Variants in CSMD2 observed in about 807,000 individuals in gnomAD.
CSMD2 encodes the protein CUB and sushi domain-containing protein 2.
A neutral mutation model predicts 398.5 loss-of-function variants in CSMD2; 130 were observed. The observed-to-expected ratio is 0.33, with a 90% CI of 0.28 to 0.38. The LOEUF (loss-of-function observed/expected upper bound fraction) is 0.38. Ranked by LOEUF, CSMD2 falls within the 10% of genes least tolerant of loss-of-function variation. The pLI is 1.00. For missense variants in CSMD2, 3,829 were observed against 4,764.9 expected (o/e 0.80, Z 5.78); for synonymous variants, 1,828 against 1,908.5 (o/e 0.96, Z 1.10).
intron 5 of CSMD2, among the ~76,000 whole-genome samples, chr1:33,849,527 A>G (rs1431034449): frequency 6.6e-6 from 1 of 152,198 alleles, no homozygotes; most frequent in Non-Finnish European, 1.5e-5. Flanking sequence ...GCTGGGAAAT[A>G]GTGCAAGGAA....
At chr1:33,793,383 C>A (rs1654561753) in intron 10 of CSMD2, among the ~76,000 whole-genome samples, 1 of 152,098 alleles carries the variant, frequency 6.6e-6, no homozygotes, top group African/African-American at 2.4e-5. Context: ...TGAGCTATGG[C>A]AGAGATGGAA....
intron 12 of CSMD2, among the ~76,000 whole-genome samples, chr1:33,779,549 C>T (rs924446327): frequency 6.6e-6 from 1 of 152,150 alleles, no homozygotes; most frequent in Non-Finnish European, 1.5e-5. Flanking sequence ...AGAGCCCAGC[C>T]GCCCCTCAGA....
At chr1:33,754,206 G>T (rs533816062) in intron 13 of CSMD2, among the ~76,000 whole-genome samples, 1 of 152,300 alleles carries the variant, frequency 6.6e-6, no homozygotes, top group South Asian at 2.1e-4. Flanking sequence ...ATGGGGCCTG[G>T]GGGGAGGTAT....
chr1:33,543,359 C>T (rs1247381274), intron 57 of CSMD2, among the ~76,000 whole-genome samples: 1 of 152,266 alleles, frequency 6.6e-6, no homozygotes. Context: ...ACCAGAACAT[C>T]TGTCCTATAG....
intron 3 of CSMD2, among the ~76,000 whole-genome samples, chr1:34,021,397 G>A (rs1198296680): frequency 2.0e-5 from 3 of 152,314 alleles, no homozygotes; most frequent in Admixed American, 2.0e-4. Context: ...CAGAGCAGCA[G>A]TTGAAGGACA....
At chr1:33,921,063 G>A (rs1416462137) in intron 4 of CSMD2, among the ~76,000 whole-genome samples, 1 of 152,164 alleles carries the variant, frequency 6.6e-6, no homozygotes, top group Admixed American at 6.5e-5. Flanking sequence ...AGATGACAGA[G>A]CTGGGCTGGA....
chr1:33,911,928 C>T (rs553607042), intron 5 of CSMD2, among the ~76,000 whole-genome samples: 4 of 152,350 alleles, frequency 2.6e-5, no homozygotes, highest in Non-Finnish European at 4.4e-5. Context: ...GGAACTCCCA[C>T]ACTTTGGCCA....
intron 5 of CSMD2, among the ~76,000 whole-genome samples, chr1:33,904,137 G>C (rs945967672): frequency 6.6e-6 from 1 of 152,170 alleles, no homozygotes; most frequent in Non-Finnish European, 1.5e-5. Flanking sequence ...AAACAGGGGA[G>C]ACATGATTTG....
intron 2 of CSMD2, among the ~76,000 whole-genome samples, chr1:34,088,649 T>A (rs942140424): frequency 6.6e-6 from 1 of 152,254 alleles, no homozygotes; most frequent in Admixed American, 6.5e-5. Flanking sequence ...AACACCCATA[T>A]CTGTTGGTTC....
chr1:33,966,240 G>A (rs766576584), intron 3 of CSMD2, among the ~76,000 whole-genome samples: 7 of 152,168 alleles, frequency 4.6e-5, no homozygotes, highest in Non-Finnish European at 7.3e-5. Flanking sequence ...AAGCCTTCTT[G>A]ACTGCAATTC....
intron 1 of CSMD2, among the ~76,000 whole-genome samples, chr1:34,151,871 C>T (rs72667775): frequency 0.28 from 36,568 of 129,678 alleles, 5,227 homozygotes; most frequent in South Asian, 0.44. Flanking sequence ...ACAGGGTCTT[C>T]TAATTCTGTC....
At chr1:33,891,775 C>A (rs1642032038) in intron 5 of CSMD2, among the ~76,000 whole-genome samples, 1 of 151,194 alleles carries the variant, frequency 6.6e-6, no homozygotes, top group Admixed American at 6.6e-5. Context: ...TGGAAATCAT[C>A]ATTCCCAGTA....
rs547798449 is a variant in CSMD2 at position 33,520,032 on chromosome 1, T to C, written c.10598-82A>G. The C allele has an allele frequency of 1.4e-5, 22 of 1,527,588 alleles. No homozygotes were observed. The East Asian group carries it at 4.3e-4, about 30-fold the overall frequency. The allele number at this position is 1,527,588 out of a possible 1,614,324, so 94.6% of individuals were successfully genotyped here. On this transcript the variant is annotated intron_variant, in intron 68 of 70. Coordinates refer to ENST00000373381, the MANE Select transcript of CSMD2 (RefSeq NM_001281956.2). Reference sequence around the variant, plus strand: ...GGCTACCCTCCCCGACTATACACTCTTGGGAAGCAGGGCTGCCACTCAGGG... The same window carrying C: ...GGCTACCCTCCCCGACTATACACTCCTGGGAAGCAGGGCTGCCACTCAGGG...
chr1:33,661,829 C>T (rs1472236790), intron 26 of CSMD2, among the ~76,000 whole-genome samples: 1 of 152,136 alleles, frequency 6.6e-6, no homozygotes, highest in Non-Finnish European at 1.5e-5. Flanking sequence ...GGATATACCC[C>T]AACCACCCTT....
intron 3 of CSMD2, among the ~76,000 whole-genome samples, chr1:33,943,165 TGAAA>T (rs1644731048): frequency 6.6e-6 from 1 of 152,212 alleles, no homozygotes. Context: ...CATAATAATT[TGAAA>T]GATTAATTTT....
intron 10 of CSMD2, among the ~76,000 whole-genome samples, chr1:33,799,635 G>A (rs1655361508): frequency 6.6e-6 from 1 of 152,216 alleles, no homozygotes; most frequent in Admixed American, 6.5e-5. Flanking sequence ...AACATGGGTT[G>A]AGGAGTCCTC....
chr1:33,766,281 T>C lies in CSMD2; in HGVS notation c.1846+6288A>G, dbSNP rs139646650. 6.5e-3 allele frequency among the ~76,000 whole-genome samples: 994 copies of C among 152,274 alleles called. 17 individuals are homozygous for C. The highest frequency in any genetic ancestry group is 0.022 in the African/African-American group (904 of 41,552). ...CCCAGTGGCTTCTCCCAGAACCCAC[T>C]GCTGCCTCTTGGATGTCTCCTTTTC... is the stretch of plus-strand genomic sequence containing the variant. On this transcript the variant is annotated intron_variant, in intron 13 of 70. Transcript: ENST00000373381.
At chr1:33,974,606 G>T (rs1645892986) in intron 3 of CSMD2, among the ~76,000 whole-genome samples, 1 of 152,236 alleles carries the variant, frequency 6.6e-6, no homozygotes, top group Admixed American at 6.5e-5. Context: ...GGGCTAGTCA[G>T]TGGCAGAGGT....
intron 35 of CSMD2, among the ~76,000 whole-genome samples, chr1:33,623,908 G>A (rs1570982629): frequency 1.3e-5 from 2 of 152,150 alleles, no homozygotes; most frequent in African/African-American, 2.4e-5. Flanking sequence ...GGCCTTGCAG[G>A]CTCCTGACCC....
Sources: allele counts gnomAD v4.1 joint callset (sites outside exome capture counted in the v4.1 genomes callset), GRCh38; gene constraint gnomAD v4.1.1; transcripts MANE v1.5; gene names NCBI Gene and HGNC (gene_info 2026-07-23, HGNC 2026-07-21).